KCNH8: variants seen among roughly 807,000 people sequenced by gnomAD.
KCNH8 encodes voltage-gated delayed rectifier potassium channel KCNH8.
A neutral mutation model predicts 103.6 loss-of-function variants in KCNH8; 70 were observed. That is an observed-to-expected ratio of 0.68 (90% CI 0.56 to 0.82). The LOEUF is 0.82. Ranked by LOEUF, KCNH8 falls within the 40% of genes least tolerant of loss-of-function variation. KCNH8 has a pLI of 0.00. For synonymous variants in KCNH8, 498 were observed against 489.4 expected (o/e 1.02, Z -0.23); for missense variants, 1,217 against 1,329.9 (o/e 0.92, Z 1.32).
At position 19,395,193 on chromosome 3, in the gene KCNH8, T is replaced by C. The variant is rs575576619; in HGVS notation, c.1059T>C (p.Thr353=). The C allele has an allele frequency of 3.1e-6, 5 of 1,610,856 alleles. No individual in the cohort carries two copies. In the South Asian group the frequency reaches 5.5e-5, roughly 18 times the overall value. The part of the protein sequence containing the change: ...QKLDRYSQHS[T]IVLTLLMSMF... ...TAGACCGCTATTCCCAACACAGTAC[T>C]ATCGTCCTGACTCTGCTCATGTCCA... The change falls in exon 7 of 16, where the codon ACT becomes ACC. Residue 353 remains threonine (T), a synonymous_variant. Coordinates refer to ENST00000328405, the MANE Select transcript of KCNH8 (RefSeq NM_144633.3).
intron 1 of KCNH8, among the ~76,000 whole-genome samples, chr3:19,201,176 G>A (rs917493690): frequency 8.4e-6 from 1 of 119,476 alleles, no homozygotes; most frequent in Non-Finnish European, 1.6e-5. Context: ...AGGTTGCAGT[G>A]AGCTGAGATC....
chr3:19,456,443 TA>T (rs1267565840), intron 10 of KCNH8, among the ~76,000 whole-genome samples: 1 of 151,950 alleles, frequency 6.6e-6, no homozygotes, highest in African/African-American at 2.4e-5. Flanking sequence ...ATTTAAAAGT[TA>T]AAAAAATTGT....
intron 1 of KCNH8, among the ~76,000 whole-genome samples, chr3:19,158,404 C>T (rs2125183956): frequency 6.6e-6 from 1 of 151,146 alleles, no homozygotes; most frequent in South Asian, 2.1e-4. Context: ...TGATTTTGTT[C>T]TCAGAATTTT....
At chr3:19,290,475 A>G (rs1200091521) in intron 3 of KCNH8, among the ~76,000 whole-genome samples, 1 of 152,172 alleles carries the variant, frequency 6.6e-6, no homozygotes, top group African/African-American at 2.4e-5. Flanking sequence ...GAATTTTGTC[A>G]AAGGCCTTTT....
At chr3:19,521,451 C>T (rs953378610) in intron 15 of KCNH8, among the ~76,000 whole-genome samples, 1 of 151,830 alleles carries the variant, frequency 6.6e-6, no homozygotes, top group Non-Finnish European at 1.5e-5. Context: ...CAGTATCTTC[C>T]CTTAATAAGT....
intron 11 of KCNH8, among the ~76,000 whole-genome samples, chr3:19,489,914 G>A (rs961057315): frequency 1.3e-5 from 2 of 152,158 alleles, no homozygotes; most frequent in Non-Finnish European, 2.9e-5. Flanking sequence ...GGGTGATCAG[G>A]CCATGCTTCC....
intron 1 of KCNH8, among the ~76,000 whole-genome samples, chr3:19,240,238 G>A (rs539875047): frequency 2.0e-5 from 3 of 151,688 alleles, no homozygotes; most frequent in Non-Finnish European, 4.4e-5. Flanking sequence ...CTTTATTTTT[G>A]CTCTGTTTTT....
intron 7 of KCNH8, among the ~76,000 whole-genome samples, chr3:19,401,613 G>A (rs920261007): frequency 7.9e-5 from 12 of 151,910 alleles, no homozygotes; most frequent in Admixed American, 2.6e-4. Flanking sequence ...CGTTTTAGAA[G>A]TAAGATTTTA....
intron 8 of KCNH8, among the ~76,000 whole-genome samples, chr3:19,441,193 G>A (rs748534402): frequency 6.6e-6 from 1 of 152,150 alleles, no homozygotes; most frequent in Non-Finnish European, 1.5e-5. Context: ...GCACTATCTT[G>A]TCCAAAGAGA....
intron 3 of KCNH8, among the ~76,000 whole-genome samples, chr3:19,284,575 G>C (rs1355634600): frequency 6.6e-6 from 1 of 150,500 alleles, no homozygotes; most frequent in African/African-American, 2.4e-5. Flanking sequence ...GAGAGAAAGA[G>C]AGAGACAGCC....
chr3:19,377,659 A>G (rs2066230289), intron 5 of KCNH8, among the ~76,000 whole-genome samples: 1 of 152,182 alleles, frequency 6.6e-6, no homozygotes, highest in African/African-American at 2.4e-5. Flanking sequence ...AGTGGTATAT[A>G]TTGAGATGAT....
chr3:19,258,905 TTC>T (rs755488116), intron 2 of KCNH8, among the ~76,000 whole-genome samples: 1,564 of 42,798 alleles, frequency 0.037, 42 homozygotes, highest in East Asian at 0.049. Context: ...TATTTTCTGT[TTC>T]TCTCTCTCTC....
Position 19,451,223 on chromosome 3 carries a change from G to T in KCNH8, c.1644G>T (p.Gln548His). The change falls in exon 10 of 16, where the codon CAG becomes CAT. Residue 548 changes from glutamine to histidine, a missense_variant. Gln to His is a conservative substitution (Grantham distance 24). Coordinates refer to ENST00000328405, the MANE Select transcript of KCNH8 (RefSeq NM_144633.3). ...ITMHLNKEIL[Q>H]LSLFECASRG... ...TGCACTTGAACAAGGAGATCTTACA[G>T]TTGTCCCTTTTTGAATGTGCCAGCC... The T allele has an allele frequency of 1.9e-6, 3 of 1,613,884 alleles. No individual in the cohort carries two copies. Among genetic ancestry groups the T allele is most frequent in the Non-Finnish European group, 2.5e-6 (3 of 1,179,828 alleles).
At chr3:19,446,944 T>A (rs139825028) in intron 8 of KCNH8, among the ~76,000 whole-genome samples, 287 of 152,056 alleles carry the variant, frequency 1.9e-3, no homozygotes, top group African/African-American at 6.5e-3. Flanking sequence ...TGAGGTTCCT[T>A]CCAAGACCTG....
At chr3:19,524,927 G>T (rs1559371254) in intron 15 of KCNH8, among the ~76,000 whole-genome samples, 1 of 152,078 alleles carries the variant, frequency 6.6e-6, no homozygotes, top group East Asian at 1.9e-4. Context: ...GAAGGGGCCA[G>T]AGTAGAGAGC....
intron 1 of KCNH8, among the ~76,000 whole-genome samples, chr3:19,204,435 AGAGAGT>A (rs1347776652): frequency 6.6e-6 from 1 of 151,916 alleles, no homozygotes; most frequent in African/African-American, 2.4e-5. Context: ...AGAGAGAGAG[AGAGAGT>A]GTCTGTGTGT....
intron 5 of KCNH8, among the ~76,000 whole-genome samples, chr3:19,374,803 G>A (rs2066165126): frequency 6.6e-6 from 1 of 151,924 alleles, no homozygotes; most frequent in Non-Finnish European, 1.5e-5. Flanking sequence ...AGGCCTGGTG[G>A]TGACAAAATC....
intron 1 of KCNH8, among the ~76,000 whole-genome samples, chr3:19,230,293 A>G (rs17005767): frequency 0.057 from 8,683 of 152,280 alleles, 852 homozygotes; most frequent in African/African-American, 0.19. Context: ...TAATAATTCA[A>G]GGTTTCAATA....
At position 19,413,194 on chromosome 3, in the gene KCNH8, G is replaced by GA. The variant is rs796510772; in HGVS notation, c.1177+17897dup. Among the ~76,000 whole-genome samples, 630 of 126,964 alleles carry GA rather than the reference G, an allele frequency of 5.0e-3. 5 individuals carry two copies. Among genetic ancestry groups the GA allele is most frequent in the African/African-American group, 0.013 (448 of 35,006 alleles). 83.3% of individuals were successfully genotyped at this position (126,964 alleles called of 152,430 possible). On this transcript the variant is annotated intron_variant, in intron 7 of 15. Transcript: ENST00000328405. ...CCATGGAATATCACATAGCCAAAAA[G>GA]AAAAAAAAAAAAAAGAATGAAATCA...
Sources: allele counts gnomAD v4.1 joint callset (sites outside exome capture counted in the v4.1 genomes callset), GRCh38; gene constraint gnomAD v4.1.1; transcripts MANE v1.5; gene names NCBI Gene and HGNC (gene_info 2026-07-23, HGNC 2026-07-21).